Variants in NSG1 observed in about 807,000 individuals in gnomAD.
NSG1 encodes neuronal vesicle trafficking associated 1.
Under a neutral mutation model 19.3 loss-of-function variants are expected in NSG1, and 9 were observed. The observed-to-expected ratio is 0.47, with a 90% CI of 0.28 to 0.81. The LOEUF (loss-of-function observed/expected upper bound fraction) is 0.81. Ranked by LOEUF, NSG1 falls within the 40% of genes least tolerant of loss-of-function variation. NSG1 has a pLI of 0.11. For synonymous variants in NSG1, 104 were observed against 107.0 expected (o/e 0.97, Z 0.17); for missense variants, 236 against 242.4 (o/e 0.97, Z 0.18).
At chr4:4,408,405 GCT>G (rs776086619) in intron 3 of NSG1, among the ~76,000 whole-genome samples, 2 of 152,190 alleles carry the variant, frequency 1.3e-5, no homozygotes, top group African/African-American at 2.4e-5. Flanking sequence ...GAGCCCCATC[GCT>G]CTCTCTGCCT....
chr4:4,390,279 C>T (rs141139593), intron 2 of NSG1, among the ~76,000 whole-genome samples: 25 of 152,332 alleles, frequency 1.6e-4, no homozygotes, highest in Non-Finnish European at 2.5e-4. Flanking sequence ...CCCTCTCCAC[C>T]GCAGGAGCAC....
At chr4:4,417,195 T>C in intron 4 of NSG1, 40 bp from the exon 5 acceptor site, 4 of 1,582,252 alleles carry the variant, frequency 2.5e-6, no homozygotes, top group Non-Finnish European at 3.5e-6. Context: ...GCACCCCCTC[T>C]TGCACCGACG....
chr4:4,391,385 G>A lies in NSG1; in HGVS notation c.130-90G>A, dbSNP rs998333839. ...TGTGAATTTCTTCCTGGCAAATGGT[G>A]ACTTTGAATATGGGAGTTCCCAGAC... On this transcript the variant is annotated intron_variant, in intron 2 of 4. Transcript: ENST00000621129. 1.7e-5 allele frequency: 13 copies of A among 758,638 alleles called. No homozygotes were observed. The Admixed American group carries it at 3.1e-4, about 18-fold the overall frequency. 47.0% of individuals were successfully genotyped at this position (758,638 alleles called of 1,614,324 possible). A position where few individuals can be genotyped will look rare whatever the true frequency, so the allele number is the denominator to read the frequency against.
chr4:4,401,549 C>T (rs577985080), intron 3 of NSG1, among the ~76,000 whole-genome samples: 17 of 152,282 alleles, frequency 1.1e-4, no homozygotes, highest in Non-Finnish European at 2.2e-4. Context: ...GGGACATGGA[C>T]ACCTCCTCCC....
chr4:4,387,561 C>CGGGGGGGGGGT, intron 1 of NSG1, 43 bp from the exon 2 acceptor site: 1 of 1,141,992 alleles, frequency 8.8e-7, no homozygotes, highest in East Asian at 2.7e-5. Flanking sequence ...CGCCCCGCCC[C>CGGGGGGGGGGT]GGGTCTTGCT....
intron 2 of NSG1, among the ~76,000 whole-genome samples, chr4:4,390,835 G>T (rs547444772): frequency 1.3e-5 from 2 of 152,206 alleles, no homozygotes; most frequent in South Asian, 4.2e-4. Flanking sequence ...CAGATGCAAG[G>T]GCTGGTTTCC....
At chr4:4,397,588 C>T (rs1235912190) in intron 3 of NSG1, among the ~76,000 whole-genome samples, 4 of 152,210 alleles carry the variant, frequency 2.6e-5, no homozygotes, top group Admixed American at 6.5e-5. Context: ...AGACGGTGAG[C>T]GTTCCCAGAA....
At position 4,396,872 on chromosome 4, in the gene NSG1, G is replaced by A. The variant is rs577743636; in HGVS notation, c.246+5281G>A. ...AGCAGTGGGGGTGGGGGTTCTTCCC[G>A]TGGGGGTGGTATTGGAGACCCTGAA... is the stretch of plus-strand genomic sequence containing the variant. On this transcript the variant is annotated intron_variant, in intron 3 of 4. Coordinates refer to ENST00000621129, the MANE Select transcript of NSG1 (RefSeq NM_014392.5). 5.4e-3 allele frequency among the ~76,000 whole-genome samples: 827 copies of A among 152,136 alleles called. 5 individuals carry two copies. The highest frequency in any genetic ancestry group is 0.019 in the African/African-American group (788 of 41,488).
intron 3 of NSG1, among the ~76,000 whole-genome samples, chr4:4,404,723 G>A (rs541677393): frequency 1.3e-5 from 2 of 152,340 alleles, no homozygotes; most frequent in South Asian, 4.1e-4. Context: ...ATCTCATGGG[G>A]AGGGGGCAGG....
intron 3 of NSG1, among the ~76,000 whole-genome samples, chr4:4,401,800 A>G (rs1218189947): frequency 1.3e-5 from 2 of 152,176 alleles, no homozygotes; most frequent in African/African-American, 2.4e-5. Flanking sequence ...CATTAAAAAA[A>G]GAGAAAATTT....
At chr4:4,399,976 C>T (rs528294967) in intron 3 of NSG1, among the ~76,000 whole-genome samples, 127 of 152,204 alleles carry the variant, frequency 8.3e-4, no homozygotes, top group Admixed American at 1.4e-3. Context: ...CTGTGCAGAC[C>T]AGTTCCTAAC....
chr4:4,387,561 C>CCCGGG, intron 1 of NSG1, 43 bp from the exon 2 acceptor site: 3 of 1,141,978 alleles, frequency 2.6e-6, no homozygotes, highest in East Asian at 2.7e-5. Flanking sequence ...CGCCCCGCCC[C>CCCGGG]GGGTCTTGCT....
intron 4 of NSG1, chr4:4,416,214 G>T (rs747155172): frequency 1.4e-6 from 1 of 702,060 alleles, no homozygotes; most frequent in African/African-American, 1.7e-5. Flanking sequence ...TGGTACGGTG[G>T]GCCTGGCTCC....
At chr4:4,387,556 C>CCCCCCGGGGGGGGGGGGGGGGGGGG in intron 1 of NSG1, 48 bp from the exon 2 acceptor site, 1 of 741,702 alleles carries the variant, frequency 1.3e-6, no homozygotes. Flanking sequence ...CCCCCCGCCC[C>CCCCCCGGGGGGGGGGGGGGGGGGGG]GCCCCGGGTC....
At chr4:4,400,243 C>T (rs1284862239) in intron 3 of NSG1, among the ~76,000 whole-genome samples, 1 of 152,158 alleles carries the variant, frequency 6.6e-6, no homozygotes, top group East Asian at 1.9e-4. Flanking sequence ...ATGGTCTTGG[C>T]CCCCTTATTG....
intron 3 of NSG1, among the ~76,000 whole-genome samples, chr4:4,395,591 C>T (rs1048893229): frequency 3.3e-5 from 5 of 152,200 alleles, no homozygotes; most frequent in Admixed American, 1.3e-4. Flanking sequence ...GCTGGAGACA[C>T]GGGCATGATG....
chr4:4,396,852 T>TG (rs1478593992), intron 3 of NSG1, among the ~76,000 whole-genome samples: 2 of 146,588 alleles, frequency 1.4e-5, no homozygotes, highest in African/African-American at 2.5e-5. Context: ...CATTCAGCAG[T>TG]GGGGGTGGGG....
chr4:4,396,367 C>T (rs558759515), intron 3 of NSG1, among the ~76,000 whole-genome samples: 16 of 152,188 alleles, frequency 1.1e-4, no homozygotes, highest in South Asian at 8.3e-4. Flanking sequence ...CGGTTGCTGA[C>T]GCTGGAGAGG....
At chr4:4,403,825 G>C (rs974776748) in intron 3 of NSG1, among the ~76,000 whole-genome samples, 3 of 152,180 alleles carry the variant, frequency 2.0e-5, no homozygotes. Flanking sequence ...TGCAGAAGGC[G>C]GCGGACGTCT....
Sources: allele counts gnomAD v4.1 joint callset (sites outside exome capture counted in the v4.1 genomes callset), GRCh38; gene constraint gnomAD v4.1.1; transcripts MANE v1.5; gene names NCBI Gene and HGNC (gene_info 2026-07-23, HGNC 2026-07-21).